Variants in DPY19L3 observed in about 807,000 individuals in gnomAD.
DPY19L3 encodes protein C-mannosyl-transferase DPY19L3.
A neutral mutation model predicts 92.3 loss-of-function variants in DPY19L3; 51 were observed. The observed-to-expected ratio is 0.55, with a 90% CI of 0.44 to 0.70. DPY19L3 has a LOEUF of 0.70. Among genes scored for constraint, DPY19L3 ranks in the 30% least tolerant of loss-of-function variants. The pLI is 0.00. For synonymous variants in DPY19L3, 309 were observed against 315.2 expected, an observed-to-expected ratio of 0.98 and a Z score of 0.21; for missense variants, 706 against 855.9, an observed-to-expected ratio of 0.82 and a Z score of 2.18.
At position 32,458,168 on chromosome 19, in the gene DPY19L3, A is replaced by G. The variant is rs759748840; in HGVS notation, c.1158A>G (p.Ala386=). 4 of 1,613,056 alleles carry G rather than the reference A, an allele frequency of 2.5e-6. No individual in the cohort carries two copies. In the African/African-American group the frequency reaches 5.3e-5, roughly 22 times the overall value. ...KFLKAKFGLG[A]TRDFDANLYL... ...TGAAGGCAAAATTTGGGCTTGGAGCAACAAGGTATAACTGAATTGAAAGTC... is the reference window on the plus strand; with the variant it reads ...TGAAGGCAAAATTTGGGCTTGGAGCGACAAGGTATAACTGAATTGAAAGTC... Residue 386 remains alanine, a synonymous_variant, in exon 11 of 19, where the codon GCA becomes GCG. Coordinates refer to ENST00000392250, the MANE Select transcript of DPY19L3 (RefSeq NM_001172774.2).
chr19:32,451,377 T>G (rs1023443864), intron 8 of DPY19L3, among the ~76,000 whole-genome samples: 1 of 152,202 alleles, frequency 6.6e-6, no homozygotes, highest in Admixed American at 6.5e-5. Flanking sequence ...ATTTCTTTTT[T>G]GTGTTTTTCT....
In DPY19L3 at chr19:32,478,255, A is replaced by G. The variant is rs116213721; in HGVS notation, c.1830+601A>G. On this transcript the variant is annotated intron_variant, in intron 17 of 18. Coordinates refer to ENST00000392250, the MANE Select transcript of DPY19L3 (RefSeq NM_001172774.2). ...CAGGTCGGGACCTCTGCCTGCCCAT[A>G]TCCACTAAGGACGTGAGGTTAGGCC... Among the ~76,000 whole-genome samples, 564 of 152,244 alleles carry G rather than the reference A, an allele frequency of 3.7e-3. 8 individuals are homozygous for G. The highest frequency in any genetic ancestry group is 0.013 in the African/African-American group (535 of 41,536).
chr19:32,459,388 A>G (rs1002923358), intron 12 of DPY19L3, among the ~76,000 whole-genome samples: 1 of 152,244 alleles, frequency 6.6e-6, no homozygotes, highest in Non-Finnish European at 1.5e-5. Context: ...GTGCTGGTGA[A>G]CTGTGATTCA....
chr19:32,464,333 T>G (rs1306498123), intron 14 of DPY19L3, among the ~76,000 whole-genome samples: 1 of 152,118 alleles, frequency 6.6e-6, no homozygotes, highest in Non-Finnish European at 1.5e-5. Context: ...TGTATGACAA[T>G]TTTTCAGTAG....
At chr19:32,432,908 A>G (rs1969017312) in intron 4 of DPY19L3, 102 bp downstream of exon 4, 4 of 904,268 alleles carry the variant, frequency 4.4e-6, no homozygotes, top group Middle Eastern at 2.2e-4. Context: ...TCTCTAGAAC[A>G]TGTGTATTTT....
chr19:32,477,563 A>C lies in DPY19L3; in HGVS notation c.1739A>C (p.Gln580Pro). ...AAGGCTGTGTTTGCGGGAAGCATGC[A>C]GTTGCTGGCCGGAGTCAAGCTGTGC... ...PRKAVFAGSM[Q>P]LLAGVKLCTG... The change falls in exon 17 of 19, where the codon CAG becomes CCG. Residue 580 changes from glutamine to proline, a missense_variant. Coordinates refer to ENST00000392250, the MANE Select transcript of DPY19L3 (RefSeq NM_001172774.2). 6.2e-7 allele frequency: 1 copy of C among 1,614,190 alleles called. No individual in the cohort carries two copies. Among genetic ancestry groups the C allele is most frequent in the Non-Finnish European group, 8.5e-7 (1 of 1,180,048 alleles).
chr19:32,427,764 A>G (rs968927612), intron 3 of DPY19L3, among the ~76,000 whole-genome samples: 4 of 152,122 alleles, frequency 2.6e-5, no homozygotes, highest in African/African-American at 9.7e-5. Context: ...ACAATAAACC[A>G]TGTATGTGCC....
chr19:32,426,316 G>GT (rs1255664640), intron 3 of DPY19L3, among the ~76,000 whole-genome samples: 1 of 152,234 alleles, frequency 6.6e-6, no homozygotes, highest in Non-Finnish European at 1.5e-5. Context: ...GACTTTCCCC[G>GT]TATCAGCAAT....
intron 3 of DPY19L3, among the ~76,000 whole-genome samples, chr19:32,415,768 C>A (rs1266427139): frequency 2.0e-5 from 3 of 151,928 alleles, no homozygotes; most frequent in Non-Finnish European, 4.4e-5. Context: ...TTTCTAGGCC[C>A]TGGGAATAAA....
chr19:32,463,279 A>G (rs1034097699), intron 12 of DPY19L3, 87 bp from the exon 13 acceptor site: 3 of 1,429,844 alleles, frequency 2.1e-6, no homozygotes, highest in Non-Finnish European at 2.9e-6. Flanking sequence ...ACATAAAGGC[A>G]TACATTTCTT....
At position 32,439,228 on chromosome 19, in the gene DPY19L3, T is replaced by C. The variant is rs750320978; in HGVS notation, c.713T>C (p.Leu238Pro). The C allele has an allele frequency of 6.2e-7, 1 of 1,610,788 alleles. No individual in the cohort carries two copies. Among genetic ancestry groups the C allele is most frequent in the South Asian group, 1.1e-5 (1 of 90,416 alleles). ...TYFLRPNLQP[L>P]SERLTLLAIF... ...TTCCTGAGACCAAACTTACAGCCTC[T>C]TTCTGAAGTAAGTGTTTATAAAATT... is the stretch of plus-strand genomic sequence containing the variant. The change falls in exon 7 of 19, where the codon CTT becomes CCT. Residue 238 changes from leucine (L) to proline (P), a missense_variant. Transcript: ENST00000392250.
In DPY19L3 at chr19:32,453,115, CTG is replaced by C. The variant is rs746655150; in HGVS notation, c.856-28_856-27del. On this transcript the variant is annotated intron_variant, in intron 8 of 18. Transcript: ENST00000392250. Reference sequence around the variant, plus strand: ...ATGTGATGATCTCTTGGTAAAATGTCTGTACTCATCTAATCTTTGGTTCTTGC... The same window carrying C: ...ATGTGATGATCTCTTGGTAAAATGTCTACTCATCTAATCTTTGGTTCTTGC... 1.4e-4 allele frequency: 218 copies of C among 1,612,876 alleles called. No homozygotes were observed. The South Asian group carries it at 2.3e-3, about 17-fold the overall frequency.
chr19:32,479,673 A>G (rs1970615280), intron 17 of DPY19L3: 3 of 384,280 alleles, frequency 7.8e-6, no homozygotes, highest in South Asian at 3.9e-5. Context: ...CCCACATTCA[A>G]CACCTCACAC....
chr19:32,463,717 G>C (rs1970112913), intron 13 of DPY19L3, 152 bp from the exon 14 acceptor site: 1 of 862,414 alleles, frequency 1.2e-6, no homozygotes, highest in Non-Finnish European at 1.8e-6. Flanking sequence ...AGGCAGTGGA[G>C]TTAAACAACG....
chr19:32,447,097 A>C (rs969800196), intron 8 of DPY19L3, among the ~76,000 whole-genome samples: 1 of 152,238 alleles, frequency 6.6e-6, no homozygotes, highest in African/African-American at 2.4e-5. Flanking sequence ...TCACTATTAC[A>C]TCTATAGTAG....
At chr19:32,422,629 A>AACACACAC (rs66481682) in intron 3 of DPY19L3, among the ~76,000 whole-genome samples, 8,624 of 146,734 alleles carry the variant, frequency 0.059, 369 homozygotes, top group African/African-American at 0.12. Context: ...AATCAGGAAA[A>AACACACAC]ACACACACAC....
chr19:32,407,652 C>T (rs1376801801), intron 1 of DPY19L3, among the ~76,000 whole-genome samples: 2 of 152,158 alleles, frequency 1.3e-5, no homozygotes, highest in Non-Finnish European at 2.9e-5. Context: ...AAAGCAGTGG[C>T]TCGTTTGTGT....
chr19:32,467,512 A>C, intron 15 of DPY19L3: 1 of 987,552 alleles, frequency 1.0e-6, no homozygotes, highest in Non-Finnish European at 1.2e-6. Context: ...ATCACTAGCA[A>C]TTTTCCTGAT....
In DPY19L3 at chr19:32,469,011, C is replaced by T. The variant is rs186783797; in HGVS notation, c.1697+198C>T. 1.4e-4 allele frequency: 57 copies of T among 401,060 alleles called. No homozygotes were observed. In the East Asian group the frequency reaches 2.4e-3, roughly 17 times the overall value. The allele number at this position is 401,060 out of a possible 1,614,324, so 24.8% of individuals were successfully genotyped here. On this transcript the variant is annotated intron_variant, in intron 16 of 18. Coordinates refer to ENST00000392250, the MANE Select transcript of DPY19L3 (RefSeq NM_001172774.2). ...TAAGAAATATTCTCTCCAGCTATATCTCATGAAGAAAGGAAAATACCCATT... is the reference window on the plus strand; with the variant it reads ...TAAGAAATATTCTCTCCAGCTATATTTCATGAAGAAAGGAAAATACCCATT...
Sources: gnomAD v4.1 joint callset for allele counts (sites outside exome capture counted in the v4.1 genomes callset) on GRCh38, gnomAD v4.1.1 for gene constraint, MANE v1.5 for transcripts, NCBI Gene and HGNC (gene_info 2026-07-23, HGNC 2026-07-21) for gene names.